The following R3HDM1 variants were observed in gnomAD, a reference collection of about 807,000 sequenced individuals.
R3HDM1 encodes R3H domain containing 1.
R3HDM1 carries 46 observed loss-of-function variants against 141.1 expected under a neutral mutation model. The observed-to-expected ratio is 0.33, with a 90% CI of 0.26 to 0.42. R3HDM1 has a LOEUF of 0.42. R3HDM1 is among the 10% of genes least tolerant of loss of function. The pLI is 1.00. For missense variants in R3HDM1, 1,184 were observed against 1,368.3 expected, an observed-to-expected ratio of 0.87 and a Z score of 2.12; for synonymous variants, 435 against 472.9, an observed-to-expected ratio of 0.92 and a Z score of 1.04.
intron 2 of R3HDM1, among the ~76,000 whole-genome samples, chr2:135,603,803 T>C (rs965998238): frequency 1.3e-5 from 2 of 152,198 alleles, no homozygotes; most frequent in African/African-American, 4.8e-5. Context: ...GTCTGGGTTT[T>C]GTCACGTTGC....
At chr2:135,533,198 C>T (rs779199046) in intron 1 of R3HDM1, among the ~76,000 whole-genome samples, 7 of 152,128 alleles carry the variant, frequency 4.6e-5, no homozygotes, top group Non-Finnish European at 8.8e-5. Context: ...GTCCCTGCTA[C>T]TCAGGAGTGT....
At chr2:135,658,759 A>G (rs1188156572) in intron 18 of R3HDM1, among the ~76,000 whole-genome samples, 2 of 152,176 alleles carry the variant, frequency 1.3e-5, no homozygotes, top group Non-Finnish European at 2.9e-5. Flanking sequence ...ACAGCTCTAC[A>G]AAAATATTTT....
At chr2:135,562,585 A>G (rs528199984) in intron 1 of R3HDM1, among the ~76,000 whole-genome samples, 2 of 152,290 alleles carry the variant, frequency 1.3e-5, no homozygotes, top group Non-Finnish European at 2.9e-5. Flanking sequence ...TCACTTACCA[A>G]TATCTAGACT....
chr2:135,723,045 A>G (rs1254140322), intron 26 of R3HDM1, among the ~76,000 whole-genome samples: 1 of 152,224 alleles, frequency 6.6e-6, no homozygotes, highest in Non-Finnish European at 1.5e-5. Context: ...TAGAGAAGCC[A>G]CTGTACAATG....
At chr2:135,613,301 C>G (rs563299099) in intron 3 of R3HDM1, among the ~76,000 whole-genome samples, 26 of 152,196 alleles carry the variant, frequency 1.7e-4, no homozygotes, top group African/African-American at 6.3e-4. Context: ...AAAGGCCACT[C>G]TGTTCTGAGA....
intron 1 of R3HDM1, among the ~76,000 whole-genome samples, chr2:135,568,441 G>A (rs529875569): frequency 1.1e-4 from 17 of 151,786 alleles, no homozygotes; most frequent in African/African-American, 3.4e-4. Flanking sequence ...CCTCCACCTC[G>A]CAGGTTCGAG....
At chr2:135,654,310 AAC>A (rs1340392363) in intron 18 of R3HDM1, among the ~76,000 whole-genome samples, 2 of 151,366 alleles carry the variant, frequency 1.3e-5, no homozygotes, top group Non-Finnish European at 1.5e-5. Context: ...CACACACACA[AAC>A]ACACACACAC....
intron 1 of R3HDM1, among the ~76,000 whole-genome samples, chr2:135,595,444 A>G (rs980702158): frequency 9.2e-5 from 14 of 152,210 alleles, no homozygotes; most frequent in Non-Finnish European, 1.3e-4. Context: ...ACCTGAGTTC[A>G]TATCTTAACT....
chr2:135,668,395 G>A (rs758771038), intron 19 of R3HDM1, among the ~76,000 whole-genome samples: 5 of 152,154 alleles, frequency 3.3e-5, no homozygotes, highest in Non-Finnish European at 7.3e-5. Flanking sequence ...TTGCTGTGTT[G>A]TATGTTATAA....
chr2:135,689,915 T>G (rs912687267), intron 21 of R3HDM1, among the ~76,000 whole-genome samples: 2 of 150,982 alleles, frequency 1.3e-5, no homozygotes, highest in African/African-American at 2.5e-5. Context: ...CTATTTTCCC[T>G]TTCATTTTCA....
At chr2:135,548,905 CT>C (rs1262031117) in intron 1 of R3HDM1, among the ~76,000 whole-genome samples, 1 of 152,184 alleles carries the variant, frequency 6.6e-6, no homozygotes, top group Non-Finnish European at 1.5e-5. Context: ...CAAAAATCTA[CT>C]TCTTAGTCCT....
chr2:135,678,469 C>T (rs1383231117), intron 20 of R3HDM1, among the ~76,000 whole-genome samples: 1 of 151,780 alleles, frequency 6.6e-6, no homozygotes, highest in Non-Finnish European at 1.5e-5. Flanking sequence ...ACCTTCAGGC[C>T]TGGCGCAGTG....
chr2:135,612,963 G>A (rs2060678991), intron 3 of R3HDM1, among the ~76,000 whole-genome samples: 1 of 152,168 alleles, frequency 6.6e-6, no homozygotes. Context: ...TCTATTTGCT[G>A]TTTGAAAGGA....
chr2:135,706,450 C>G (rs1282004940), intron 21 of R3HDM1, among the ~76,000 whole-genome samples: 1 of 151,054 alleles, frequency 6.6e-6, no homozygotes, highest in Admixed American at 6.6e-5. Flanking sequence ...GGTCATAGGA[C>G]AGTAGTGGAG....
chr2:135,637,923 C>T (rs1439876424), intron 11 of R3HDM1, among the ~76,000 whole-genome samples: 1 of 152,162 alleles, frequency 6.6e-6, no homozygotes, highest in Non-Finnish European at 1.5e-5. Flanking sequence ...CTTTTTGCTA[C>T]TCAAACGTGA....
At chr2:135,586,320 C>G (rs1291171326) in intron 1 of R3HDM1, 1 of 152,600 alleles carries the variant, frequency 6.6e-6, no homozygotes, top group Non-Finnish European at 1.5e-5. Context: ...TGTTGACTTT[C>G]TATTGTCTGA....
intron 7 of R3HDM1, among the ~76,000 whole-genome samples, chr2:135,623,456 T>C: frequency 6.6e-6 from 1 of 152,230 alleles, no homozygotes; most frequent in East Asian, 1.9e-4. Context: ...GAGTTGTTTA[T>C]CTCTTACACA....
chr2:135,531,514 G>C lies in R3HDM1; in HGVS notation c.-369G>C, dbSNP rs1418588893. On this transcript the variant is annotated 5_prime_UTR_variant, in exon 1 of 27. Coordinates refer to ENST00000683871, the MANE Select transcript of R3HDM1 (RefSeq NM_001378107.1). ...GCCAGCCGCGGCTGCCGCTGGAGCC[G>C]GTGTCCGGGCTGGTGATGGGGTTAA... 3 of 985,686 alleles carry C rather than the reference G, an allele frequency of 3.0e-6. No homozygotes were observed. The highest frequency in any genetic ancestry group is 3.5e-5 in the African/African-American group (2 of 57,182). The allele number at this position is 985,686 out of a possible 1,614,324, so 61.1% of individuals were successfully genotyped here.
intron 1 of R3HDM1, among the ~76,000 whole-genome samples, chr2:135,558,772 C>T (rs1264522141): frequency 6.6e-6 from 1 of 152,038 alleles, no homozygotes; most frequent in African/African-American, 2.4e-5. Flanking sequence ...TCAGTACTGT[C>T]TTGGCAATTT....
Sources: gnomAD v4.1 joint callset for allele counts (sites outside exome capture counted in the v4.1 genomes callset) on GRCh38, gnomAD v4.1.1 for gene constraint, MANE v1.5 for transcripts, NCBI Gene and HGNC (gene_info 2026-07-23, HGNC 2026-07-21) for gene names.